Variants in BRINP3 observed in about 807,000 individuals in gnomAD.
The protein encoded by BRINP3 is BMP/retinoic acid inducible neural specific 3, also known as BMP/retinoic acid-inducible neural-specific protein 3.
A neutral mutation model predicts 71.0 loss-of-function variants in BRINP3; 19 were observed. The observed-to-expected ratio is 0.27, with a 90% CI of 0.19 to 0.39. The LOEUF is 0.39. Among genes scored for constraint, BRINP3 ranks in the 10% least tolerant of loss-of-function variants. The pLI is 1.00. For missense variants in BRINP3, 959 were observed against 940.8 expected, an observed-to-expected ratio of 1.02 and a Z score of -0.25; for synonymous variants, 380 against 337.7, an observed-to-expected ratio of 1.13 and a Z score of -1.37.
chr1:190,429,693 C>T lies in BRINP3; in HGVS notation c.236+24962G>A, dbSNP rs375191915. ...GCAACCTCCATCTCCTGGGTTCAAA[C>T]GATTCTCCTGCCTCAGACTCCCAAG... is the stretch of plus-strand genomic sequence containing the variant. On this transcript the variant is annotated intron_variant, in intron 2 of 7. Coordinates refer to ENST00000367462, the MANE Select transcript of BRINP3 (RefSeq NM_199051.3). 1.7e-4 allele frequency among the ~76,000 whole-genome samples: 25 copies of T among 150,662 alleles called. 1 individual carries two copies. The East Asian group carries it at 2.0e-3, about 12-fold the overall frequency.
intron 3 of BRINP3, among the ~76,000 whole-genome samples, chr1:190,271,397 G>T (rs1274830759): frequency 6.6e-6 from 1 of 151,562 alleles, no homozygotes; most frequent in Non-Finnish European, 1.5e-5. Context: ...AAGAGCAGTT[G>T]TAAGCTGAAA....
chr1:190,204,541 G>GA (rs1055458548), intron 6 of BRINP3, among the ~76,000 whole-genome samples: 2 of 150,324 alleles, frequency 1.3e-5, no homozygotes, highest in Admixed American at 6.6e-5. Context: ...TAGCAATTAA[G>GA]AAAAAAAAAG....
At chr1:190,153,475 G>T (rs778930474) in intron 7 of BRINP3, among the ~76,000 whole-genome samples, 3 of 151,918 alleles carry the variant, frequency 2.0e-5, no homozygotes, top group South Asian at 2.1e-4. Context: ...AAATGTAAGG[G>T]TTTGTAAATT....
intron 2 of BRINP3, among the ~76,000 whole-genome samples, chr1:190,381,756 A>T (rs568348714): frequency 7.9e-5 from 12 of 152,260 alleles, no homozygotes; most frequent in African/African-American, 2.9e-4. Context: ...TTATAGGCCA[A>T]TTTCATTTAA....
At chr1:190,146,064 A>C (rs1343576808) in intron 7 of BRINP3, among the ~76,000 whole-genome samples, 3 of 152,116 alleles carry the variant, frequency 2.0e-5, no homozygotes, top group African/African-American at 7.2e-5. Flanking sequence ...GAAAGTTAAA[A>C]GGGGAGTGAG....
At chr1:190,288,448 A>G (rs1663602602) in intron 2 of BRINP3, among the ~76,000 whole-genome samples, 1 of 151,890 alleles carries the variant, frequency 6.6e-6, no homozygotes. Context: ...TTAATTTTTA[A>G]AAGGAAATGG....
chr1:190,300,607 G>C (rs1237931958), intron 2 of BRINP3, among the ~76,000 whole-genome samples: 4 of 152,028 alleles, frequency 2.6e-5, no homozygotes, highest in Non-Finnish European at 5.9e-5. Context: ...CTCCTCAAGT[G>C]GGTACCTGAC....
chr1:190,422,038 T>C (rs1673422068), intron 2 of BRINP3, among the ~76,000 whole-genome samples: 1 of 151,790 alleles, frequency 6.6e-6, no homozygotes, highest in Non-Finnish European at 1.5e-5. Flanking sequence ...GTGACACTGG[T>C]ATTTCATCAG....
rs1571949502 is a variant in BRINP3 at position 190,398,471 on chromosome 1, T to C, written c.236+56184A>G. Among the ~76,000 whole-genome samples the C allele has an allele frequency of 2.0e-5, 3 of 152,006 alleles. No individual in the cohort carries two copies. In the South Asian group the frequency reaches 6.2e-4, roughly 31 times the overall value. On this transcript the variant is annotated intron_variant, in intron 2 of 7. Coordinates refer to ENST00000367462, the MANE Select transcript of BRINP3 (RefSeq NM_199051.3). Reference sequence around the variant, plus strand: ...CTTACAGATGAATTTGTGTCTCATGTACTAAGTATAACGCTGAACAAATGA... The same window carrying C: ...CTTACAGATGAATTTGTGTCTCATGCACTAAGTATAACGCTGAACAAATGA...
rs183627597 is a variant in BRINP3 at position 190,249,357 on chromosome 1, T to C, written c.619-14880A>G. 3.3e-5 allele frequency among the ~76,000 whole-genome samples: 5 copies of C among 151,868 alleles called. No individual in the cohort carries two copies. The East Asian group carries it at 9.7e-4, about 29-fold the overall frequency. On this transcript the variant is annotated intron_variant, in intron 4 of 7. Coordinates refer to ENST00000367462, the MANE Select transcript of BRINP3 (RefSeq NM_199051.3). ...ATTTACCCTTATATGGAGTACTAAA[T>C]ATTTTTATTATTTCTAGCAATTACA...
chr1:190,366,451 G>T (rs1669507655), intron 2 of BRINP3, among the ~76,000 whole-genome samples: 1 of 152,042 alleles, frequency 6.6e-6, no homozygotes, highest in Admixed American at 6.6e-5. Context: ...GGGATTATGG[G>T]AACTACAATT....
chr1:190,099,419 T>C (rs953542532), intron 7 of BRINP3, among the ~76,000 whole-genome samples: 3 of 152,184 alleles, frequency 2.0e-5, no homozygotes, highest in African/African-American at 4.8e-5. Flanking sequence ...AAATATGTGA[T>C]ATCTTCTAAA....
At chr1:190,375,429 T>C (rs1409986331) in intron 2 of BRINP3, among the ~76,000 whole-genome samples, 1 of 151,984 alleles carries the variant, frequency 6.6e-6, no homozygotes, top group Non-Finnish European at 1.5e-5. Flanking sequence ...ATATTGATTT[T>C]TACTTTATAG....
intron 2 of BRINP3, among the ~76,000 whole-genome samples, chr1:190,446,061 A>T (rs1004717983): frequency 6.6e-6 from 1 of 152,128 alleles, no homozygotes; most frequent in African/African-American, 2.4e-5. Context: ...CACAATTCTC[A>T]TTAAGAACTG....
At chr1:190,339,355 A>G (rs1427622256) in intron 2 of BRINP3, among the ~76,000 whole-genome samples, 1 of 152,086 alleles carries the variant, frequency 6.6e-6, no homozygotes, top group Non-Finnish European at 1.5e-5. Context: ...TGTGGCTGGT[A>G]GAAACCCTGA....
chr1:190,373,409 G>T (rs2102203575), intron 2 of BRINP3, among the ~76,000 whole-genome samples: 1 of 149,788 alleles, frequency 6.7e-6, no homozygotes, highest in Non-Finnish European at 1.5e-5. Context: ...AAATAAAGTA[G>T]ATAATTCCTT....
intron 2 of BRINP3, chr1:190,302,791 G>A (rs1266392195): frequency 6.6e-6 from 1 of 151,568 alleles, no homozygotes; most frequent in Admixed American, 6.6e-5. Flanking sequence ...ATAACTTTCA[G>A]GTAAGTGCTG....
At chr1:190,113,362 T>C (rs1056710795) in intron 7 of BRINP3, among the ~76,000 whole-genome samples, 2 of 152,178 alleles carry the variant, frequency 1.3e-5, no homozygotes, top group Non-Finnish European at 2.9e-5. Context: ...CAATGTCACT[T>C]CAGTTTATTA....
intron 2 of BRINP3, among the ~76,000 whole-genome samples, chr1:190,303,650 C>T (rs1664887442): frequency 6.6e-6 from 1 of 151,660 alleles, no homozygotes; most frequent in African/African-American, 2.4e-5. Context: ...AGTATGAGGA[C>T]ACTTCTGAAA....
Sources: gnomAD v4.1 joint callset for allele counts (sites outside exome capture counted in the v4.1 genomes callset) on GRCh38, gnomAD v4.1.1 for gene constraint, MANE v1.5 for transcripts, NCBI Gene and HGNC (gene_info 2026-07-23, HGNC 2026-07-21) for gene names.